Variants in PTPRD observed in about 807,000 individuals in gnomAD.
PTPRD encodes protein tyrosine phosphatase receptor type D, also known as receptor-type tyrosine-protein phosphatase delta.
Under a neutral mutation model 214.5 loss-of-function variants are expected in PTPRD, and 34 were observed. That is an observed-to-expected ratio of 0.16 (90% CI 0.12 to 0.21). The LOEUF is 0.21. Among genes scored for constraint, PTPRD ranks in the 10% least tolerant of loss-of-function variants. The pLI is 1.00. For missense variants in PTPRD, 2,545 were observed against 2,398.7 expected, an observed-to-expected ratio of 1.06 and a Z score of -1.27; for synonymous variants, 1,128 against 845.7, an observed-to-expected ratio of 1.33 and a Z score of -5.79.
intron 9 of PTPRD, among the ~76,000 whole-genome samples, chr9:9,287,419 A>G (rs1949853990): frequency 6.6e-6 from 1 of 151,870 alleles, no homozygotes; most frequent in African/African-American, 2.4e-5. Flanking sequence ...ATATGTCTCA[A>G]GTTTGCAGAT....
At chr9:8,618,620 T>C (rs745857606) in intron 14 of PTPRD, among the ~76,000 whole-genome samples, 6 of 152,106 alleles carry the variant, frequency 3.9e-5, no homozygotes, top group Admixed American at 3.3e-4. Context: ...AGTTCCAACA[T>C]ATCTGAAATG....
At chr9:10,223,969 A>G (rs1414512652) in intron 3 of PTPRD, among the ~76,000 whole-genome samples, 1 of 151,668 alleles carries the variant, frequency 6.6e-6, no homozygotes, top group African/African-American at 2.4e-5. Context: ...CTTACTGCAG[A>G]GTTCTATATA....
intron 3 of PTPRD, among the ~76,000 whole-genome samples, chr9:10,238,658 G>A (rs1369721570): frequency 1.3e-5 from 2 of 151,816 alleles, no homozygotes; most frequent in Non-Finnish European, 2.9e-5. Flanking sequence ...ATATTCATGG[G>A]ATTAATATGC....
At chr9:9,386,713 G>T (rs978482301) in intron 9 of PTPRD, among the ~76,000 whole-genome samples, 1 of 152,010 alleles carries the variant, frequency 6.6e-6, no homozygotes, top group Non-Finnish European at 1.5e-5. Flanking sequence ...CAAATATTAT[G>T]ATTAATATTT....
At chr9:8,760,639 G>A (rs1441170020) in intron 11 of PTPRD, among the ~76,000 whole-genome samples, 4 of 151,246 alleles carry the variant, frequency 2.6e-5, no homozygotes, top group African/African-American at 4.9e-5. Context: ...GCGGTGGGGG[G>A]ATGTATGCAT....
chr9:9,524,958 C>A (rs549074910), intron 8 of PTPRD, among the ~76,000 whole-genome samples: 1 of 152,048 alleles, frequency 6.6e-6, no homozygotes, highest in Non-Finnish European at 1.5e-5. Context: ...TCCAGGTTCA[C>A]GCCATTCTCC....
At chr9:8,377,582 T>C (rs758453998) in intron 37 of PTPRD, among the ~76,000 whole-genome samples, 4 of 152,062 alleles carry the variant, frequency 2.6e-5, no homozygotes, top group Admixed American at 6.6e-5. Flanking sequence ...TAGATCTGAC[T>C]ATATTTACCC....
intron 12 of PTPRD, among the ~76,000 whole-genome samples, chr9:8,672,022 G>T (rs866883144): frequency 2.0e-5 from 3 of 152,212 alleles, no homozygotes; most frequent in South Asian, 2.1e-4. Context: ...TCATTCACAA[G>T]TTTTCATTCA....
At chr9:10,123,209 T>C (rs943372531) in intron 3 of PTPRD, among the ~76,000 whole-genome samples, 10 of 152,242 alleles carry the variant, frequency 6.6e-5, no homozygotes, top group Admixed American at 5.9e-4. Flanking sequence ...TGAAGCTACA[T>C]AGGTGCTCCT....
chr9:9,732,968 A>G (rs2154443510), intron 7 of PTPRD, among the ~76,000 whole-genome samples: 1 of 152,184 alleles, frequency 6.6e-6, no homozygotes, highest in Admixed American at 6.5e-5. Flanking sequence ...GTTCATATTT[A>G]TGGTTAAATA....
At chr9:9,274,979 T>C (rs779611027) in intron 9 of PTPRD, among the ~76,000 whole-genome samples, 18 of 136,730 alleles carry the variant, frequency 1.3e-4, no homozygotes, top group Non-Finnish European at 2.5e-4. Flanking sequence ...TGCAATCTAA[T>C]TTATTTAATT....
In PTPRD at chr9:9,161,302, G is replaced by A. The variant is rs12551375; in HGVS notation, c.-143+22002C>T. 7.2e-3 allele frequency among the ~76,000 whole-genome samples: 1,095 copies of A among 152,202 alleles called. 49 individuals carry two copies. The highest frequency in any genetic ancestry group is 0.064 in the Admixed American group (972 of 15,276). ...AAAACATCATATAGTGACCTGTAGTGTAGACAATTATGATTTGTCAATTGA... is the reference window on the plus strand; with the variant it reads ...AAAACATCATATAGTGACCTGTAGTATAGACAATTATGATTTGTCAATTGA... On this transcript the variant is annotated intron_variant, in intron 10 of 45. Coordinates refer to ENST00000381196, the MANE Select transcript of PTPRD (RefSeq NM_002839.4).
chr9:9,236,080 A>C (rs1030282265), intron 9 of PTPRD, among the ~76,000 whole-genome samples: 1 of 152,202 alleles, frequency 6.6e-6, no homozygotes, highest in East Asian at 1.9e-4. Flanking sequence ...CCTGGCCAAC[A>C]TGGTGAAACC....
Position 9,944,331 on chromosome 9 carries a change from A to G in PTPRD, c.-471-5721T>C, listed in dbSNP as rs138766196. Among the ~76,000 whole-genome samples the G allele has an allele frequency of 3.8e-3, 576 of 152,276 alleles. 1 individual carries two copies. The highest frequency in any genetic ancestry group is 8.3e-3 in the Admixed American group (127 of 15,278). ...TCCAGTGTGCAGCTGACAACTCGAT[A>G]CAACATTTATTCATTATTTCCATAA... On this transcript the variant is annotated intron_variant, in intron 4 of 45. Coordinates refer to ENST00000381196, the MANE Select transcript of PTPRD (RefSeq NM_002839.4).
chr9:9,477,410 A>G (rs753784952), intron 8 of PTPRD, among the ~76,000 whole-genome samples: 37 of 152,204 alleles, frequency 2.4e-4, no homozygotes, highest in African/African-American at 1.2e-4. Context: ...TTGAGGCATT[A>G]TTAGTAATTA....
At chr9:9,021,663 A>T (rs2099570081) in intron 10 of PTPRD, among the ~76,000 whole-genome samples, 1 of 152,122 alleles carries the variant, frequency 6.6e-6, no homozygotes, top group African/African-American at 2.4e-5. Flanking sequence ...TTCTAGTGGG[A>T]CAAGATGTAG....
At chr9:8,443,407 C>G (rs1335890015) in intron 34 of PTPRD, among the ~76,000 whole-genome samples, 3 of 152,198 alleles carry the variant, frequency 2.0e-5, no homozygotes, top group African/African-American at 7.2e-5. Context: ...AGAGACAGCT[C>G]AAGAGCTTTT....
intron 43 of PTPRD, among the ~76,000 whole-genome samples, chr9:8,336,666 G>T (rs1042903695): frequency 1.3e-5 from 2 of 148,438 alleles, no homozygotes; most frequent in Non-Finnish European, 3.0e-5. Context: ...GAGTGAACAG[G>T]CAACCTACAG....
chr9:9,460,580 T>A (rs1164267247), intron 8 of PTPRD, among the ~76,000 whole-genome samples: 1 of 152,002 alleles, frequency 6.6e-6, no homozygotes, highest in Non-Finnish European at 1.5e-5. Flanking sequence ...TAAAAAATGC[T>A]TAACAATAAT....
Sources: allele counts gnomAD v4.1 joint callset (sites outside exome capture counted in the v4.1 genomes callset), GRCh38; gene constraint gnomAD v4.1.1; transcripts MANE v1.5; gene names NCBI Gene and HGNC (gene_info 2026-07-23, HGNC 2026-07-21).